GRK5: variants seen among roughly 807,000 people sequenced by gnomAD.
GRK5 encodes the protein G protein-coupled receptor kinase 5.
GRK5 carries 40 observed loss-of-function variants against 78.4 expected under a neutral mutation model. The observed-to-expected ratio is 0.51, with a 90% CI of 0.40 to 0.66. The LOEUF is 0.66. Among genes scored for constraint, GRK5 ranks in the 30% least tolerant of loss-of-function variants. GRK5 has a pLI of 0.00. For synonymous variants in GRK5, 289 were observed against 296.8 expected (o/e 0.97, Z 0.27); for missense variants, 598 against 759.9 (o/e 0.79, Z 2.50).
intron 3 of GRK5, among the ~76,000 whole-genome samples, chr10:119,388,990 C>A (rs1003721254): frequency 4.0e-5 from 6 of 150,706 alleles, no homozygotes; most frequent in Non-Finnish European, 5.9e-5. Context: ...TATGACCTAG[C>A]CTTAGAGCAT....
chr10:119,443,807 C>T, intron 12 of GRK5, 55 bp downstream of exon 12: 1 of 1,451,816 alleles, frequency 6.9e-7, no homozygotes, highest in Non-Finnish European at 9.4e-7. Flanking sequence ...CCTCCCTGGG[C>T]CTGGCCCCAG....
intron 4 of GRK5, among the ~76,000 whole-genome samples, chr10:119,398,167 G>A (rs983596769): frequency 2.6e-5 from 4 of 152,176 alleles, no homozygotes; most frequent in African/African-American, 4.8e-5. Flanking sequence ...ACGAGGAGAC[G>A]TTCTCAGCAG....
At chr10:119,259,724 G>A (rs1849342322) in intron 1 of GRK5, among the ~76,000 whole-genome samples, 1 of 152,212 alleles carries the variant, frequency 6.6e-6, no homozygotes, top group Admixed American at 6.5e-5. Flanking sequence ...CTAGCCATGT[G>A]TGGCCATTGA....
At chr10:119,332,015 T>C (rs1448283807) in intron 2 of GRK5, among the ~76,000 whole-genome samples, 2 of 152,146 alleles carry the variant, frequency 1.3e-5, no homozygotes, top group Non-Finnish European at 2.9e-5. Context: ...ACTTACTACA[T>C]ACTTCTAAAA....
At position 119,339,746 on chromosome 10, in the gene GRK5, TAGTC is replaced by T. The variant is rs374493657; in HGVS notation, c.148+13138_148+13141del. Among the ~76,000 whole-genome samples, 38 of 152,028 alleles carry T rather than the reference TAGTC, an allele frequency of 2.5e-4. No homozygotes were observed. The East Asian group carries it at 5.0e-3, about 20-fold the overall frequency. On this transcript the variant is annotated intron_variant, in intron 2 of 15. Coordinates refer to ENST00000392870, the MANE Select transcript of GRK5 (RefSeq NM_005308.3). ...AGTCTCTACTAAAAATACAAAAAAT[TAGTC>T]AGGCTTGGCAGTGTGAGCCTGTAGT...
At chr10:119,222,324 C>G (rs1848667107) in intron 1 of GRK5, among the ~76,000 whole-genome samples, 1 of 151,896 alleles carries the variant, frequency 6.6e-6, no homozygotes. Context: ...GTAAATGTAT[C>G]AGGTCGGGGG....
chr10:119,256,758 C>T lies in GRK5; in HGVS notation c.52+48789C>T, dbSNP rs7078608. ...ATAATTCACGTACCATAATATTCTCCACTTTAAAGTGTAAATTTAATAGTC... is the reference window on the plus strand; with the variant it reads ...ATAATTCACGTACCATAATATTCTCTACTTTAAAGTGTAAATTTAATAGTC... On this transcript the variant is annotated intron_variant, in intron 1 of 15. Coordinates refer to ENST00000392870, the MANE Select transcript of GRK5 (RefSeq NM_005308.3). Among the ~76,000 whole-genome samples the T allele has an allele frequency of 6.0e-3, 921 of 152,278 alleles. 9 individuals carry two copies. Among genetic ancestry groups the T allele is most frequent in the African/African-American group, 0.021 (884 of 41,534 alleles).
intron 1 of GRK5, among the ~76,000 whole-genome samples, chr10:119,311,654 T>C (rs1372707582): frequency 6.6e-6 from 1 of 151,842 alleles, no homozygotes; most frequent in Non-Finnish European, 1.5e-5. Flanking sequence ...GGCGTGGTGG[T>C]GCACACCTGT....
chr10:119,408,024 G>A (rs1014137788), intron 4 of GRK5, among the ~76,000 whole-genome samples: 3 of 151,964 alleles, frequency 2.0e-5, no homozygotes, highest in Non-Finnish European at 4.4e-5. Context: ...TTAACCGGGC[G>A]TGGTGGTGGA....
At chr10:119,235,965 G>C (rs1848918175) in intron 1 of GRK5, among the ~76,000 whole-genome samples, 1 of 152,154 alleles carries the variant, frequency 6.6e-6, no homozygotes, top group Non-Finnish European at 1.5e-5. Flanking sequence ...CCCCTGGGTG[G>C]AGCCTCTCTT....
intron 4 of GRK5, among the ~76,000 whole-genome samples, chr10:119,410,658 C>T (rs193070366): frequency 6.6e-6 from 1 of 152,232 alleles, no homozygotes; most frequent in Admixed American, 6.5e-5. Context: ...CTGTGATCCT[C>T]AGTGCAACCC....
At chr10:119,366,727 G>A (rs1262854554) in intron 2 of GRK5, among the ~76,000 whole-genome samples, 1 of 152,158 alleles carries the variant, frequency 6.6e-6, no homozygotes, top group African/African-American at 2.4e-5. Context: ...CTAGGTGACA[G>A]GGGTGCCTCC....
At position 119,389,801 on chromosome 10, in the gene GRK5, A is replaced by AACACACACACAC. The variant is rs66652162; in HGVS notation, c.262-6869_262-6858dup. On this transcript the variant is annotated intron_variant, in intron 3 of 15. Coordinates refer to ENST00000392870, the MANE Select transcript of GRK5 (RefSeq NM_005308.3). ...CAGTCAGCACCCAGAGATCATGAGC[A>AACACACACACAC]ACACACACACACACACACACACACA... Among the ~76,000 whole-genome samples the AACACACACACAC allele has an allele frequency of 5.3e-5, 8 of 149,758 alleles. No homozygotes were observed. The East Asian group carries it at 1.2e-3, about 22-fold the overall frequency.
At chr10:119,326,685 C>G (rs1850686409) in intron 2 of GRK5, 74 bp downstream of exon 2, 1 of 1,134,262 alleles carries the variant, frequency 8.8e-7, no homozygotes, top group Non-Finnish European at 1.3e-6. Flanking sequence ...TGCATTAAGG[C>G]AAATGGGTGA....
At chr10:119,401,504 A>T (rs1231927716) in intron 4 of GRK5, among the ~76,000 whole-genome samples, 1 of 152,186 alleles carries the variant, frequency 6.6e-6, no homozygotes, top group Non-Finnish European at 1.5e-5. Context: ...AGTCAGGTAG[A>T]CCTGGGTTCA....
intron 2 of GRK5, chr10:119,334,370 C>T (rs1019350138): frequency 6.4e-6 from 1 of 156,696 alleles, no homozygotes; most frequent in African/African-American, 2.4e-5. Context: ...GTGTGAGCCC[C>T]ACGTATGAAC....
intron 1 of GRK5, among the ~76,000 whole-genome samples, chr10:119,291,625 T>A (rs1849961367): frequency 6.7e-6 from 1 of 149,464 alleles, no homozygotes; most frequent in Non-Finnish European, 1.5e-5. Context: ...TTCTTCCTCC[T>A]CTTCCTCCTT....
rs549561762 is a variant in GRK5 at position 119,337,627 on chromosome 10, C to CT, written c.148+11025dup. ...CTAAGTTTCCCCCCCACTTTTTTCT[C>CT]TTTTTTTTTGAGACAGAGTTTTGCT... On this transcript the variant is annotated intron_variant, in intron 2 of 15. Transcript: ENST00000392870. 6.2e-3 allele frequency among the ~76,000 whole-genome samples: 944 copies of CT among 151,186 alleles called. 8 individuals carry two copies. Among genetic ancestry groups the CT allele is most frequent in the African/African-American group, 0.022 (900 of 41,232 alleles).
chr10:119,259,364 T>C (rs1395318735), intron 1 of GRK5, among the ~76,000 whole-genome samples: 1 of 152,166 alleles, frequency 6.6e-6, no homozygotes, highest in Non-Finnish European at 1.5e-5. Flanking sequence ...GCGCCCGGCC[T>C]AACACTCCCT....
Sources: allele counts gnomAD v4.1 joint callset (sites outside exome capture counted in the v4.1 genomes callset), GRCh38; gene constraint gnomAD v4.1.1; transcripts MANE v1.5; gene names NCBI Gene and HGNC (gene_info 2026-07-23, HGNC 2026-07-21).